GOSR1: variants seen among roughly 807,000 people sequenced by gnomAD.
GOSR1 encodes golgi SNAP receptor complex member 1.
A neutral mutation model predicts 35.5 loss-of-function variants in GOSR1; 21 were observed. The ratio of observed to expected loss-of-function variants is 0.59; its 90% confidence interval spans 0.42 to 0.85. The LOEUF is 0.85. Among genes scored for constraint, GOSR1 ranks in the 40% least tolerant of loss-of-function variants. The probability of loss-of-function intolerance (pLI) is 0.00; values close to 1 mark genes in which losing one functional copy is unlikely to be tolerated. For missense variants in GOSR1, 285 were observed against 309.6 expected, an observed-to-expected ratio of 0.92 and a Z score of 0.60; for synonymous variants, 94 against 106.6, an observed-to-expected ratio of 0.88 and a Z score of 0.73.
chr17:30,495,412 T>C (rs1319985574), intron 6 of GOSR1: 1 of 455,808 alleles, frequency 2.2e-6, no homozygotes, highest in Admixed American at 2.4e-5. Context: ...CTTAATGAAG[T>C]TGACAACTTT....
In GOSR1 at chr17:30,524,484, G is replaced by A. The variant is rs533087835; in HGVS notation, c.*2106G>A. On this transcript the variant is annotated 3_prime_UTR_variant, in exon 9 of 9. Coordinates refer to ENST00000451249, the MANE Select transcript of GOSR1 (RefSeq NM_001007025.2). Reference sequence around the variant, plus strand: ...TACACTGGGGTTAACTGTATTGCTGGAAAAACATCAAGAATGACAGTCTTA... The same window carrying A: ...TACACTGGGGTTAACTGTATTGCTGAAAAAACATCAAGAATGACAGTCTTA... 2.7e-4 allele frequency: 41 copies of A among 152,044 alleles called. No homozygotes were observed. The highest frequency in any genetic ancestry group is 9.4e-4 in the African/African-American group (39 of 41,470). 9.4% of individuals were successfully genotyped at this position (152,044 alleles called of 1,614,324 possible). A position where few individuals can be genotyped will look rare whatever the true frequency, so the allele number is the denominator to read the frequency against.
At chr17:30,517,668 C>T (rs1171276987) in intron 7 of GOSR1, among the ~76,000 whole-genome samples, 1 of 151,526 alleles carries the variant, frequency 6.6e-6, no homozygotes, top group Non-Finnish European at 1.5e-5. Flanking sequence ...TATTCTTTTA[C>T]AGATTGAATG....
At chr17:30,521,165 CTCTTTTTTTTTT>C (rs1253031288) in intron 8 of GOSR1, among the ~76,000 whole-genome samples, 1 of 121,700 alleles carries the variant, frequency 8.2e-6, no homozygotes, top group East Asian at 2.7e-4. Context: ...AGTTCTCTCT[CTCTTTTTTTTTT>C]TTTTTTTTTT....
chr17:30,496,405 C>T lies in GOSR1; in HGVS notation c.509+3652C>T, dbSNP rs553136547. Among the ~76,000 whole-genome samples the T allele has an allele frequency of 2.6e-5, 4 of 152,316 alleles. No homozygotes were observed. The South Asian group carries it at 8.3e-4, about 32-fold the overall frequency. On this transcript the variant is annotated intron_variant, in intron 6 of 8. Transcript: ENST00000451249. ...TTCTTCATGTTGTTTGGCTGCTGCTCTGCCTGACTTGATATCATAGTCTCC... is the reference window on the plus strand; with the variant it reads ...TTCTTCATGTTGTTTGGCTGCTGCTTTGCCTGACTTGATATCATAGTCTCC...
chr17:30,479,940 G>GAA (rs1294774460), intron 1 of GOSR1: 1 of 152,064 alleles, frequency 6.6e-6, no homozygotes, highest in East Asian at 1.9e-4. Context: ...AACATTGTGA[G>GAA]AAAAAACAGA....
At chr17:30,484,599 T>C in intron 3 of GOSR1, 64 bp from the exon 4 acceptor site, 1 of 835,656 alleles carries the variant, frequency 1.2e-6, no homozygotes, top group Non-Finnish European at 1.9e-6. Flanking sequence ...GCAAATAATT[T>C]GCTTTTAGCT....
At chr17:30,487,609 G>A (rs893534044) in intron 4 of GOSR1, among the ~76,000 whole-genome samples, 4 of 152,150 alleles carry the variant, frequency 2.6e-5, no homozygotes, top group African/African-American at 9.7e-5. Flanking sequence ...TGTCAGATTA[G>A]CAAATGTTGA....
chr17:30,484,625 TA>T lies in GOSR1; in HGVS notation c.235-34del, dbSNP rs1314598110. 1.9e-5 allele frequency: 22 copies of T among 1,158,350 alleles called. No individual in the cohort carries two copies. In the East Asian group the frequency reaches 5.1e-4, roughly 27 times the overall value. The allele number at this position is 1,158,350 out of a possible 1,614,324, so 71.8% of individuals were successfully genotyped here. A position where few individuals can be genotyped will look rare whatever the true frequency, so the allele number is the denominator to read the frequency against. The stretch of plus-strand genomic sequence containing the variant: ...GCTTTTAGCTGTTTATAGTGCTTAG[TA>T]AAATATTTTGATTGTTTTTTTTTTC... On this transcript the variant is annotated intron_variant, in intron 3 of 8. Transcript: ENST00000451249.
chr17:30,487,577 C>G (rs1032031683), intron 4 of GOSR1, among the ~76,000 whole-genome samples: 3 of 152,020 alleles, frequency 2.0e-5, no homozygotes, highest in Non-Finnish European at 4.4e-5. Flanking sequence ...ATACAGAAAT[C>G]TAAAAGAGGT....
At chr17:30,489,831 T>C (rs768333994) in intron 4 of GOSR1, among the ~76,000 whole-genome samples, 7 of 152,204 alleles carry the variant, frequency 4.6e-5, no homozygotes, top group Non-Finnish European at 7.3e-5. Context: ...TTTGAAGTTA[T>C]TTTATCTCAG....
At chr17:30,482,606 A>G (rs1335836649) in intron 2 of GOSR1, among the ~76,000 whole-genome samples, 2 of 152,212 alleles carry the variant, frequency 1.3e-5, no homozygotes, top group Non-Finnish European at 2.9e-5. Context: ...ATCTAGATCT[A>G]TCTCCAGAGC....
intron 6 of GOSR1, among the ~76,000 whole-genome samples, chr17:30,499,207 A>G (rs1342082279): frequency 6.6e-6 from 1 of 152,212 alleles, no homozygotes; most frequent in African/African-American, 2.4e-5. Context: ...CTTCCATTGT[A>G]TGATATACCA....
intron 7 of GOSR1, among the ~76,000 whole-genome samples, chr17:30,519,244 G>T (rs1297248274): frequency 6.6e-6 from 1 of 151,980 alleles, no homozygotes; most frequent in African/African-American, 2.4e-5. Context: ...GTAGAGTTGG[G>T]ATTTCACCAC....
chr17:30,499,342 CTTT>C (rs3039523), intron 6 of GOSR1, among the ~76,000 whole-genome samples: 2 of 133,706 alleles, frequency 1.5e-5, no homozygotes, highest in Non-Finnish European at 1.6e-5. Context: ...TCTCATTCCT[CTTT>C]TTTTTTTTTT....
At position 30,508,153 on chromosome 17, in the gene GOSR1, C is replaced by A. The variant is rs181743070; in HGVS notation, c.510-2727C>A. 2.0e-5 allele frequency among the ~76,000 whole-genome samples: 3 copies of A among 152,220 alleles called. No individual in the cohort carries two copies. The East Asian group carries it at 5.8e-4, about 29-fold the overall frequency. On this transcript the variant is annotated intron_variant, in intron 6 of 8. Coordinates refer to ENST00000451249, the MANE Select transcript of GOSR1 (RefSeq NM_001007025.2). ...GTTTAGTAAGACATTTAGGATAGGA[C>A]GTGGCTCATAGTAAGCTCTCTGTGA...
intron 6 of GOSR1, among the ~76,000 whole-genome samples, chr17:30,505,542 C>T (rs1475882970): frequency 1.3e-5 from 2 of 152,170 alleles, no homozygotes; most frequent in East Asian, 1.9e-4. Flanking sequence ...CTTGCAGTGC[C>T]GTTTTTCTAA....
At chr17:30,477,602 G>A (rs1914023382) in intron 1 of GOSR1, 138 bp downstream of exon 1, 1 of 1,382,996 alleles carries the variant, frequency 7.2e-7, no homozygotes, top group Non-Finnish European at 9.6e-7. Context: ...GCCTAAGTGG[G>A]ATCCCCGGGG....
chr17:30,492,802 T>G lies in GOSR1; in HGVS notation c.509+49T>G, dbSNP rs764522770. 3.3e-5 allele frequency: 36 copies of G among 1,078,624 alleles called. 1 individual carries two copies. The highest frequency in any genetic ancestry group is 3.2e-4 in the South Asian group (25 of 79,328). The allele number at this position is 1,078,624 out of a possible 1,614,324, so 66.8% of individuals were successfully genotyped here. A position where few individuals can be genotyped will look rare whatever the true frequency, so the allele number is the denominator to read the frequency against. The stretch of plus-strand genomic sequence containing the variant: ...TATGTGGTTTTCCACGTTTATTAAT[T>G]CATTTACTTATGTAACCAACATTTT... On this transcript the variant is annotated intron_variant, in intron 6 of 8. Coordinates refer to ENST00000451249, the MANE Select transcript of GOSR1 (RefSeq NM_001007025.2).
intron 6 of GOSR1, among the ~76,000 whole-genome samples, chr17:30,504,833 T>C (rs1402837774): frequency 6.6e-6 from 1 of 152,246 alleles, no homozygotes; most frequent in Non-Finnish European, 1.5e-5. Context: ...ATAATGAGTT[T>C]ATTTTCCAAC....
Sources: gnomAD v4.1 joint callset for allele counts (sites outside exome capture counted in the v4.1 genomes callset) on GRCh38, gnomAD v4.1.1 for gene constraint, MANE v1.5 for transcripts, NCBI Gene and HGNC (gene_info 2026-07-23, HGNC 2026-07-21) for gene names.